LDLRAD4: variants seen among roughly 807,000 people sequenced by gnomAD.
The protein encoded by LDLRAD4 is low-density lipoprotein receptor class A domain-containing protein 4.
Under a neutral mutation model 17.0 loss-of-function variants are expected in LDLRAD4, and 5 were observed. The observed-to-expected ratio is 0.29, with a 90% CI of 0.15 to 0.62. The LOEUF is 0.62. LDLRAD4 is among the 20% of genes least tolerant of loss of function. LDLRAD4 has a pLI of 0.84. For synonymous variants in LDLRAD4, 168 were observed against 171.8 expected (o/e 0.98, Z 0.17); for missense variants, 340 against 424.7 (o/e 0.80, Z 1.75).
intron 3 of LDLRAD4, among the ~76,000 whole-genome samples, chr18:13,461,742 A>C (rs556356419): frequency 6.6e-6 from 1 of 152,196 alleles, no homozygotes; most frequent in Non-Finnish European, 1.5e-5. Flanking sequence ...GCAAAGTTAC[A>C]AAGTTACACC....
chr18:13,326,254 A>T (rs55882226), intron 1 of LDLRAD4, among the ~76,000 whole-genome samples: 1 of 152,026 alleles, frequency 6.6e-6, no homozygotes, highest in African/African-American at 2.4e-5. Context: ...ATGTTTCCTT[A>T]AAGGGGGGAA....
chr18:13,432,607 C>T (rs781581540), intron 2 of LDLRAD4, among the ~76,000 whole-genome samples: 1 of 152,202 alleles, frequency 6.6e-6, no homozygotes, highest in Non-Finnish European at 1.5e-5. Flanking sequence ...GGTTGGAATT[C>T]GGTTTAGAGA....
chr18:13,335,173 T>C (rs1003140688), intron 1 of LDLRAD4, among the ~76,000 whole-genome samples: 1 of 152,192 alleles, frequency 6.6e-6, no homozygotes, highest in Non-Finnish European at 1.5e-5. Context: ...TTTTTCCTAA[T>C]AGTAACCTTT....
chr18:13,410,884 G>C (rs1049795263), intron 2 of LDLRAD4, among the ~76,000 whole-genome samples: 1 of 152,196 alleles, frequency 6.6e-6, no homozygotes, highest in Non-Finnish European at 1.5e-5. Context: ...GGGTACAGTG[G>C]CTGCCCCTCC....
At chr18:13,450,337 C>CAA (rs58528433) in intron 3 of LDLRAD4, among the ~76,000 whole-genome samples, 10,439 of 115,286 alleles carry the variant, frequency 0.091, 823 homozygotes, top group African/African-American at 0.14. Flanking sequence ...CCCCCCCCCC[C>CAA]AAAAAAACAC....
chr18:13,242,309 A>G (rs1350385284), intron 1 of LDLRAD4, among the ~76,000 whole-genome samples: 1 of 152,182 alleles, frequency 6.6e-6, no homozygotes, highest in Non-Finnish European at 1.5e-5. Context: ...GCATTTTCCA[A>G]TTAAAGGTTA....
chr18:13,595,549 A>G (rs1026327813), intron 3 of LDLRAD4, among the ~76,000 whole-genome samples: 6 of 151,946 alleles, frequency 3.9e-5, no homozygotes, highest in Non-Finnish European at 8.8e-5. Flanking sequence ...AGGTCTCACT[A>G]TATTGCCCAG....
chr18:13,302,375 A>G (rs572874238), intron 1 of LDLRAD4, among the ~76,000 whole-genome samples: 1 of 152,276 alleles, frequency 6.6e-6, no homozygotes, highest in East Asian at 1.9e-4. Flanking sequence ...TGTGCAGGGG[A>G]GTAACAGCTT....
intron 1 of LDLRAD4, among the ~76,000 whole-genome samples, chr18:13,269,682 T>G (rs1296293064): frequency 6.6e-6 from 1 of 152,132 alleles, no homozygotes; most frequent in African/African-American, 2.4e-5. Flanking sequence ...TGCTCACACT[T>G]GGAGTCAGTC....
chr18:13,581,266 C>T (rs767110551), intron 3 of LDLRAD4, among the ~76,000 whole-genome samples: 3 of 152,064 alleles, frequency 2.0e-5, no homozygotes, highest in Non-Finnish European at 4.4e-5. Flanking sequence ...TCAAAAAGTT[C>T]GGGACTTTAG....
intron 1 of LDLRAD4, among the ~76,000 whole-genome samples, chr18:13,247,957 C>G (rs1050828985): frequency 3.1e-5 from 3 of 96,122 alleles, no homozygotes; most frequent in African/African-American, 1.3e-4. Context: ...CGCCGCCCCC[C>G]GCCTTTTTTT....
chr18:13,219,501 A>G (rs777408237), intron 1 of LDLRAD4, among the ~76,000 whole-genome samples: 5 of 152,056 alleles, frequency 3.3e-5, no homozygotes, highest in Non-Finnish European at 7.4e-5. Context: ...GTTAATTACC[A>G]TTGCAATACA....
intron 2 of LDLRAD4, among the ~76,000 whole-genome samples, chr18:13,408,545 T>C (rs2088007985): frequency 6.6e-6 from 1 of 152,090 alleles, no homozygotes; most frequent in Non-Finnish European, 1.5e-5. Flanking sequence ...TGATATTGGC[T>C]CACTGCAACC....
At chr18:13,379,141 T>TCA (rs1345288073) in intron 1 of LDLRAD4, among the ~76,000 whole-genome samples, 1 of 152,212 alleles carries the variant, frequency 6.6e-6, no homozygotes, top group Non-Finnish European at 1.5e-5. Context: ...ACTGCCTAAG[T>TCA]CACACACAGC....
intron 3 of LDLRAD4, among the ~76,000 whole-genome samples, chr18:13,586,406 C>CAAAAAGAAAAAAAAA (rs2094934568): frequency 2.8e-5 from 1 of 35,118 alleles, no homozygotes. Context: ...GACTCTGTCT[C>CAAAAAGAAAAAAAAA]AAAAAAAAAA....
At chr18:13,396,951 TTTTAAAGAATTCC>T (rs2086751005) in intron 2 of LDLRAD4, among the ~76,000 whole-genome samples, 1 of 152,226 alleles carries the variant, frequency 6.6e-6, no homozygotes, top group African/African-American at 2.4e-5. Flanking sequence ...CCATATTGTA[TTTTAAAGAATTCC>T]TTTAAAGAAG....
chr18:13,540,212 A>T (rs11661006), intron 3 of LDLRAD4, among the ~76,000 whole-genome samples: 62,741 of 152,182 alleles, frequency 0.41, 14,118 homozygotes, highest in Middle Eastern at 0.65. Flanking sequence ...TACAAGTTTT[A>T]AAAAAACTAG....
At chr18:13,294,072 C>T (rs1192392185) in intron 1 of LDLRAD4, among the ~76,000 whole-genome samples, 3 of 152,102 alleles carry the variant, frequency 2.0e-5, no homozygotes, top group African/African-American at 4.8e-5. Flanking sequence ...GAATTGCAGA[C>T]GTGTGAAAAA....
At chr18:13,304,827 C>T (rs923419064) in intron 1 of LDLRAD4, among the ~76,000 whole-genome samples, 2 of 152,086 alleles carry the variant, frequency 1.3e-5, no homozygotes. Flanking sequence ...TAGGAGGGAT[C>T]CCTAGGGATG....
Sources: gnomAD v4.1 joint callset for allele counts (sites outside exome capture counted in the v4.1 genomes callset) on GRCh38, gnomAD v4.1.1 for gene constraint, MANE v1.5 for transcripts, NCBI Gene and HGNC (gene_info 2026-07-23, HGNC 2026-07-21) for gene names.